Variants in CADPS2 observed in about 807,000 individuals in gnomAD.
The protein encoded by CADPS2 is calcium dependent secretion activator 2.
Under a neutral mutation model 172.5 loss-of-function variants are expected in CADPS2, and 93 were observed. The observed-to-expected ratio is 0.54, with a 90% CI of 0.46 to 0.64. The LOEUF (loss-of-function observed/expected upper bound fraction) is 0.64, where lower values mean the gene tolerates loss of function less well. Ranked by LOEUF, CADPS2 falls within the 30% of genes least tolerant of loss-of-function variation. The pLI is 0.00. For missense variants in CADPS2, 1,420 were observed against 1,565.9 expected (o/e 0.91, Z 1.57); for synonymous variants, 546 against 555.2 (o/e 0.98, Z 0.23).
chr7:122,759,983 T>TA (rs1298565721), intron 1 of CADPS2, among the ~76,000 whole-genome samples: 5 of 148,064 alleles, frequency 3.4e-5, no homozygotes, highest in African/African-American at 1.2e-4. Context: ...ATAGGTGTAT[T>TA]TTATATATAT....
intron 1 of CADPS2, among the ~76,000 whole-genome samples, chr7:122,880,961 T>G (rs1822784132): frequency 6.6e-6 from 1 of 152,198 alleles, no homozygotes; most frequent in Non-Finnish European, 1.5e-5. Flanking sequence ...CACATAACTA[T>G]GCAATCCACC....
intron 8 of CADPS2, among the ~76,000 whole-genome samples, chr7:122,520,510 G>A (rs1166225797): frequency 6.6e-6 from 1 of 151,828 alleles, no homozygotes; most frequent in African/African-American, 2.4e-5. Flanking sequence ...CTCATTTTCT[G>A]ATTAAAAAAT....
chr7:122,586,644 T>C lies in CADPS2; in HGVS notation c.1224-5354A>G, dbSNP rs371242602. Reference sequence around the variant, plus strand: ...AAAGAAAACAGACATTTTCATCTTATTTCTATTCAACAAAAAGGGAAGGGA... The same window carrying C: ...AAAGAAAACAGACATTTTCATCTTACTTCTATTCAACAAAAAGGGAAGGGA... On this transcript the variant is annotated intron_variant, in intron 6 of 29. Coordinates refer to ENST00000449022, the MANE Select transcript of CADPS2 (RefSeq NM_017954.11). Among the ~76,000 whole-genome samples, 4 of 151,994 alleles carry C rather than the reference T, an allele frequency of 2.6e-5. No individual in the cohort carries two copies. In the East Asian group the frequency reaches 5.8e-4, roughly 22 times the overall value.
intron 1 of CADPS2, among the ~76,000 whole-genome samples, chr7:122,878,455 A>G (rs900948503): frequency 3.3e-5 from 5 of 151,778 alleles, no homozygotes; most frequent in African/African-American, 1.2e-4. Flanking sequence ...GATCGAGACC[A>G]TGGTGAAACC....
intron 1 of CADPS2, among the ~76,000 whole-genome samples, chr7:122,863,144 T>C (rs1311558718): frequency 1.3e-5 from 2 of 152,192 alleles, no homozygotes; most frequent in African/African-American, 2.4e-5. Context: ...GCTGGTGACA[T>C]TGTTTTTCAA....
Position 122,345,688 on chromosome 7 carries a change from T to A in CADPS2, c.3505-7A>T. The A allele has an allele frequency of 6.4e-7, 1 of 1,569,814 alleles. No homozygotes were observed. The highest frequency in any genetic ancestry group is 8.7e-7 in the Non-Finnish European group (1 of 1,143,830). On this transcript the variant is annotated splice_polypyrimidine_tract_variant and splice_region_variant and intron_variant, in intron 27 of 29. Transcript: ENST00000449022. Reference sequence around the variant, plus strand: ...CCAGATCCATTCCTGGTTTCTGTTGTGAAGGAAAAGCAGGGGGAACAAAAT... The same window carrying A: ...CCAGATCCATTCCTGGTTTCTGTTGAGAAGGAAAAGCAGGGGGAACAAAAT...
chr7:122,463,888 A>T (rs1161701670), intron 14 of CADPS2, among the ~76,000 whole-genome samples: 1 of 152,156 alleles, frequency 6.6e-6, no homozygotes, highest in African/African-American at 2.4e-5. Context: ...TAAGGAAGAA[A>T]AGCATGCTGA....
intron 28 of CADPS2, among the ~76,000 whole-genome samples, chr7:122,327,341 C>T (rs924580543): frequency 3.9e-5 from 6 of 152,102 alleles, no homozygotes; most frequent in Non-Finnish European, 7.4e-5. Context: ...TGAGGCCCTT[C>T]TACCACACCA....
At chr7:122,734,356 TAAAAAAAAAAAAA>T (rs558421546) in intron 2 of CADPS2, among the ~76,000 whole-genome samples, 12,168 of 46,798 alleles carry the variant, frequency 0.26, 575 homozygotes, top group Middle Eastern at 0.41. Context: ...CCAGAAATAG[TAAAAAAAAAAAAA>T]AAAAAAAAAA....
intron 1 of CADPS2, among the ~76,000 whole-genome samples, chr7:122,844,125 G>A (rs980647744): frequency 1.4e-4 from 22 of 152,278 alleles, no homozygotes; most frequent in South Asian, 4.1e-4. Flanking sequence ...CTCCTCACAC[G>A]GCCCCACTAG....
intron 25 of CADPS2, among the ~76,000 whole-genome samples, chr7:122,376,650 C>T (rs2042391095): frequency 6.6e-6 from 1 of 152,054 alleles, no homozygotes; most frequent in Non-Finnish European, 1.5e-5. Context: ...AGCTACTGTA[C>T]AGCATAGGGC....
intron 17 of CADPS2, among the ~76,000 whole-genome samples, chr7:122,437,541 G>A (rs1481483177): frequency 6.6e-6 from 1 of 151,854 alleles, no homozygotes; most frequent in Non-Finnish European, 1.5e-5. Context: ...TTATTTTCAG[G>A]TAAGAAACTT....
At chr7:122,479,148 A>AAGGAC (rs2057021453) in intron 12 of CADPS2, among the ~76,000 whole-genome samples, 1 of 152,102 alleles carries the variant, frequency 6.6e-6, no homozygotes, top group Non-Finnish European at 1.5e-5. Flanking sequence ...CTAGTATCAA[A>AAGGAC]AGGACTAAAA....
At chr7:122,597,020 G>C (rs977559928) in intron 6 of CADPS2, among the ~76,000 whole-genome samples, 3 of 151,968 alleles carry the variant, frequency 2.0e-5, no homozygotes, top group East Asian at 3.9e-4. Flanking sequence ...ACAAGAGGGT[G>C]GGAGAGTGAA....
At chr7:122,540,705 A>C (rs2062823380) in intron 8 of CADPS2, among the ~76,000 whole-genome samples, 1 of 152,144 alleles carries the variant, frequency 6.6e-6, no homozygotes, top group Non-Finnish European at 1.5e-5. Context: ...ACAAGATTGT[A>C]GTTATAATCC....
At chr7:122,474,198 A>T (rs932772811) in intron 13 of CADPS2, among the ~76,000 whole-genome samples, 183 bp downstream of exon 13, 1 of 152,176 alleles carries the variant, frequency 6.6e-6, no homozygotes, top group African/African-American at 2.4e-5. Context: ...TAATTTTCAA[A>T]TTGGGAAGCA....
intron 12 of CADPS2, among the ~76,000 whole-genome samples, chr7:122,474,872 A>G (rs1021399539): frequency 6.6e-6 from 1 of 152,184 alleles, no homozygotes; most frequent in Non-Finnish European, 1.5e-5. Flanking sequence ...TCTATTCATA[A>G]AAAACAGCAA....
At chr7:122,362,903 A>G (rs949564926) in intron 25 of CADPS2, among the ~76,000 whole-genome samples, 1 of 152,242 alleles carries the variant, frequency 6.6e-6, no homozygotes, top group African/African-American at 2.4e-5. Flanking sequence ...TCTCCATCAC[A>G]TCATTTGCGA....
At chr7:122,394,736 G>A (rs1421891011) in intron 20 of CADPS2, among the ~76,000 whole-genome samples, 10 of 152,154 alleles carry the variant, frequency 6.6e-5, no homozygotes, top group Admixed American at 6.5e-4. Context: ...CTAGATCCTA[G>A]GACTGAGTAA....
Sources: allele counts gnomAD v4.1 joint callset (sites outside exome capture counted in the v4.1 genomes callset), GRCh38; gene constraint gnomAD v4.1.1; transcripts MANE v1.5; gene names NCBI Gene and HGNC (gene_info 2026-07-23, HGNC 2026-07-21).